The following CYB561 variants were observed in gnomAD, a reference collection of about 807,000 sequenced individuals.
CYB561 encodes the protein cytochrome b561, also known as transmembrane ascorbate-dependent reductase CYB561.
In CYB561, 11 loss-of-function variants were observed where a neutral mutation model predicts 25.3. The ratio of observed to expected loss-of-function variants is 0.44; its 90% CI spans 0.27 to 0.72. CYB561 has a LOEUF of 0.72. CYB561 is among the 30% of genes least tolerant of loss of function. CYB561 has a pLI of 0.18. For missense variants in CYB561, 295 were observed against 334.9 expected (o/e 0.88, Z 0.93); for synonymous variants, 165 against 158.8 (o/e 1.04, Z -0.29).
Position 63,434,300 on chromosome 17 carries a change from G to T in CYB561, c.*102C>A. The T allele has an allele frequency of 9.0e-7, 1 of 1,111,470 alleles. No homozygotes were observed. The highest frequency in any genetic ancestry group is 1.3e-6 in the Non-Finnish European group (1 of 798,816). The allele number at this position is 1,111,470 out of a possible 1,614,324, so 68.9% of individuals were successfully genotyped here. On this transcript the variant is annotated 3_prime_UTR_variant, in exon 6 of 6. Transcript: ENST00000360793. The stretch of plus-strand genomic sequence containing the variant: ...CAGATGCAGCTGCACCCACGCGCCC[G>T]CCTGCTGCCAGAGCCACTCTCCGGA...
At position 63,435,225 on chromosome 17, in the gene CYB561, A is replaced by G. The variant is rs550908611; in HGVS notation, c.424T>C (p.Phe142Leu). 182 of 1,613,656 alleles carry G rather than the reference A, an allele frequency of 1.1e-4. No homozygotes were observed. In the South Asian group the frequency reaches 1.8e-3, roughly 16 times the overall value. ...AATGAAGCTCCGGGGAACAGGAAGA[A>G]GCTGAAGCCCACCAGCCACTAGGAT... The part of the protein sequence containing the change: ...YFVQWLVGFS[F>L]FLFPGASFSL... Residue 142 changes from phenylalanine (F) to leucine (L), a missense_variant, in exon 5 of 6, where the codon TTC becomes CTC. Phe to Leu is a conservative substitution (Grantham distance 22, BLOSUM62 0). Transcript: ENST00000360793.
intron 1 of CYB561, among the ~76,000 whole-genome samples, chr17:63,443,894 G>A (rs554326534): frequency 3.3e-4 from 51 of 152,282 alleles, no homozygotes; most frequent in African/African-American, 1.2e-3. Flanking sequence ...CCAAAGCTCT[G>A]GGATTACAGA....
At chr17:63,437,303 C>T (rs1490455363) in intron 2 of CYB561, 43 bp downstream of exon 2, 1 of 1,524,170 alleles carries the variant, frequency 6.6e-7, no homozygotes, top group African/African-American at 1.4e-5. Flanking sequence ...CTCTCAGGGA[C>T]CCCCACAAGC....
Position 63,434,369 on chromosome 17 carries a change from C to T in CYB561, c.*33G>A. 4 of 1,508,264 alleles carry T rather than the reference C, an allele frequency of 2.7e-6. No homozygotes were observed. The highest frequency in any genetic ancestry group is 3.6e-6 in the Non-Finnish European group (4 of 1,121,784). 93.4% of individuals were successfully genotyped at this position (1,508,264 alleles called of 1,614,324 possible). On this transcript the variant is annotated 3_prime_UTR_variant, in exon 6 of 6. Transcript: ENST00000360793. Reference sequence around the variant, plus strand: ...GCCTCAGCAGGGGCAGGCAAGAAGACACCCCGCGAACCCCCAGGGCCGGCC... The same window carrying T: ...GCCTCAGCAGGGGCAGGCAAGAAGATACCCCGCGAACCCCCAGGGCCGGCC...
At chr17:63,446,387 C>A (rs1205625936), upstream of CYB561, 3 of 152,048 alleles carry the variant, frequency 2.0e-5, no homozygotes, top group East Asian at 5.8e-4. Flanking sequence ...GTGGCGTACG[C>A]GGCCCCCGGG....
In CYB561 at chr17:63,433,464, AGGCAGCAGCTCCAGCAGCCCCAG is replaced by A. The variant is rs1418672241; in HGVS notation, c.*915_*937del. 3.8e-5 allele frequency: 15 copies of A among 398,870 alleles called. No individual in the cohort carries two copies. The highest frequency in any genetic ancestry group is 2.9e-4 in the African/African-American group (14 of 48,634). The allele number at this position is 398,870 out of a possible 1,614,324, so 24.7% of individuals were successfully genotyped here. On this transcript the variant is annotated 3_prime_UTR_variant, in exon 6 of 6. Coordinates refer to ENST00000360793, the MANE Select transcript of CYB561 (RefSeq NM_001915.4). ...GGAGAAGGCTCGTCCTCCAGAACAG[AGGCAGCAGCTCCAGCAGCCCCAG>A]GGGGCTCTAGCCACAGCCAGCAGCA...
chr17:63,437,975 G>GGGCC, intron 1 of CYB561: 1 of 89,528 alleles, frequency 1.1e-5, no homozygotes, highest in South Asian at 1.0e-4. Context: ...CGGCGGCCCC[G>GGGCC]CCACCCTCCC....
At chr17:63,444,871 A>G (rs545731570) in intron 1 of CYB561, among the ~76,000 whole-genome samples, 1 of 152,300 alleles carries the variant, frequency 6.6e-6, no homozygotes, top group African/African-American at 2.4e-5. Context: ...AAAAGTGGTG[A>G]GGGCAGAAAA....
rs376683889 is a variant in CYB561, at chr17:63,436,069, C to T, written c.286G>A (p.Val96Ile). 9 of 1,614,180 alleles carry T rather than the reference C, an allele frequency of 5.6e-6. No homozygotes were observed. Among genetic ancestry groups the T allele is most frequent in the East Asian group, 4.5e-5 (2 of 44,884 alleles). The change falls in exon 3 of 6, where the codon GTC becomes ATC. Residue 96 changes from valine to isoleucine, a missense_variant. By Grantham distance (29) the Val-to-Ile change is conservative. Coordinates refer to ENST00000360793, the MANE Select transcript of CYB561 (RefSeq NM_001915.4). The surrounding 1 kb of genome is among the most constrained non-coding windows in gnomAD (Gnocchi z 4.8). The stretch of plus-strand genomic sequence containing the variant: ...GGGAACTCACCAACCAGGGCGATGA[C>T]GAGCGCAAAGATGTGCAGCAGCCCG... ...LHGLLHIFAL[V>I]IALVGLVAVF...
chr17:63,434,423 T>G lies in CYB561; in HGVS notation c.735A>C (p.Gly245=), dbSNP rs747903763. Reference sequence around the variant, plus strand: ...CGCATCACTGGGAGCCGGGGCTATCTCCCTCCGTCAGCGTCTTGAAGTCCA... The same window carrying G: ...CGCATCACTGGGAGCCGGGGCTATCGCCCTCCGTCAGCGTCTTGAAGTCCA... ...LSMDFKTLTE[G]DSPGSQ is the part of the protein sequence containing the mutation. Residue 245 remains glycine, a synonymous_variant, in exon 6 of 6, where the codon GGA becomes GGC. Coordinates refer to ENST00000360793, the MANE Select transcript of CYB561 (RefSeq NM_001915.4). 1 of 1,581,068 alleles carries G rather than the reference T, an allele frequency of 6.3e-7. No individual in the cohort carries two copies. Among genetic ancestry groups the G allele is most frequent in the Non-Finnish European group, 8.6e-7 (1 of 1,162,998 alleles).
In CYB561 at chr17:63,436,087, G is replaced by A. The variant is rs759570399; in HGVS notation, c.268C>T (p.Leu90=). Residue 90 remains leucine, a synonymous_variant, in exon 3 of 6, where the codon CTG becomes TTG. Coordinates refer to ENST00000360793, the MANE Select transcript of CYB561 (RefSeq NM_001915.4). This position sits in a 1 kb window ranked among gnomAD's most constrained non-coding sequence, Gnocchi z 4.8. ...GCGATGACGAGCGCAAAGATGTGCA[G>A]CAGCCCGTGCAGGACCTTGGTGGTG... The part of the protein sequence containing the change: ...KRTTKVLHGL[L]HIFALVIALV... 6.2e-7 allele frequency: 1 copy of A among 1,614,240 alleles called. No homozygotes were observed. The highest frequency in any genetic ancestry group is 2.2e-5 in the East Asian group (1 of 44,886).
rs1407458854 is a variant in CYB561 at position 63,433,249 on chromosome 17, G to A, written c.*1153C>T. The A allele has an allele frequency of 2.0e-5, 8 of 396,748 alleles. No homozygotes were observed. Among genetic ancestry groups the A allele is most frequent in the African/African-American group, 1.6e-4 (8 of 48,546 alleles). The allele number at this position is 396,748 out of a possible 1,614,324, so 24.6% of individuals were successfully genotyped here. A position where few individuals can be genotyped will look rare whatever the true frequency, so the allele number is the denominator to read the frequency against. ...GGGGTTTCACTGTGTTTGTTAGTCA[G>A]GATGGTCTTGATCTCCTGGCCTCGC... On this transcript the variant is annotated 3_prime_UTR_variant, in exon 6 of 6. Coordinates refer to ENST00000360793, the MANE Select transcript of CYB561 (RefSeq NM_001915.4).
At chr17:63,438,258 A>G (rs2049336302) in intron 1 of CYB561, 1 of 1,529,808 alleles carries the variant, frequency 6.5e-7, no homozygotes, top group Admixed American at 2.0e-5. Context: ...GGTGGGCTTT[A>G]CAGGTGAGTT....
chr17:63,435,619 G>A, intron 4 of CYB561, 69 bp downstream of exon 4: 1 of 1,261,478 alleles, frequency 7.9e-7, no homozygotes, highest in Non-Finnish European at 1.2e-6. Flanking sequence ...GTACATTTCA[G>A]CCCAGCTCCC....
At chr17:63,441,618 G>A (rs374744138) in intron 1 of CYB561, among the ~76,000 whole-genome samples, 1 of 152,220 alleles carries the variant, frequency 6.6e-6, no homozygotes, top group Non-Finnish European at 1.5e-5. Context: ...GCATGCACAC[G>A]GAAGACGGCA....
chr17:63,434,172 G>C lies in CYB561; in HGVS notation c.*230C>G. 3 of 529,352 alleles carry C rather than the reference G, an allele frequency of 5.7e-6. No individual in the cohort carries two copies. The highest frequency in any genetic ancestry group is 1.0e-5 in the Non-Finnish European group (3 of 295,152). 32.8% of individuals were successfully genotyped at this position (529,352 alleles called of 1,614,324 possible). A position where few individuals can be genotyped will look rare whatever the true frequency, so the allele number is the denominator to read the frequency against. ...ACCCAAAGCCTTCTGCACTGAAGGG[G>C]GCAACAGAGACACGGGAGCCACACA... On this transcript the variant is annotated 3_prime_UTR_variant, in exon 6 of 6. Transcript: ENST00000360793.
chr17:63,441,405 G>T (rs4968775), intron 1 of CYB561, among the ~76,000 whole-genome samples: 1 of 152,100 alleles, frequency 6.6e-6, no homozygotes, highest in African/African-American at 2.4e-5. Flanking sequence ...ACAAGCGACA[G>T]GCCCCCAAAT....
rs986100802 is a variant in CYB561, at chr17:63,435,897, C to G, written c.302-106G>C. 7 of 1,582,760 alleles carry G rather than the reference C, an allele frequency of 4.4e-6. 1 individual carries two copies. The highest frequency in any genetic ancestry group is 6.0e-6 in the Non-Finnish European group (7 of 1,158,902). On this transcript the variant is annotated intron_variant, in intron 3 of 5. Coordinates refer to ENST00000360793, the MANE Select transcript of CYB561 (RefSeq NM_001915.4). The stretch of plus-strand genomic sequence containing the variant: ...CGGGACTTCTGGGCTTTAGTCCCAG[C>G]TCGAGGGCTGCCAGCACCTAGTGGC...
chr17:63,435,966 T>C (rs754091343), intron 3 of CYB561, 88 bp downstream of exon 3: 27 of 1,607,010 alleles, frequency 1.7e-5, no homozygotes, highest in Admixed American at 3.3e-5. Context: ...ATCACAGCTC[T>C]GGGGAGGGAA....
Sources: gnomAD v4.1 joint callset for allele counts (sites outside exome capture counted in the v4.1 genomes callset) on GRCh38, gnomAD v4.1.1 for gene constraint, Gnocchi (gnomAD v3.1) non-coding constraint, MANE v1.5 for transcripts, NCBI Gene and HGNC (gene_info 2026-07-23, HGNC 2026-07-21) for gene names.